The following MVB12A variants were observed in gnomAD, a reference collection of about 807,000 sequenced individuals.
The protein encoded by MVB12A is multivesicular body subunit 12A, also known as CIN85/CD2AP family binding protein.
In MVB12A, 30 loss-of-function variants were observed where a neutral mutation model predicts 34.3. That is an observed-to-expected ratio of 0.88 (90% confidence interval 0.65 to 1.19). MVB12A has a LOEUF of 1.19. Among genes scored for constraint, MVB12A ranks in the 50% most tolerant of loss-of-function variants. The pLI, the probability that MVB12A is intolerant of heterozygous loss-of-function variation, is 0.00. For synonymous variants in MVB12A, 158 were observed against 158.9 expected, an observed-to-expected ratio of 0.99 and a Z score of 0.04; for missense variants, 355 against 369.2, an observed-to-expected ratio of 0.96 and a Z score of 0.31.
chr19:17,422,434 C>T lies in MVB12A; in HGVS notation c.389C>T (p.Thr130Ile). The change falls in exon 4 of 9, where the codon ACA (threonine) becomes ATA (isoleucine). Residue 130 changes from threonine (T) to isoleucine (I), a missense_variant. Coordinates refer to ENST00000317040, the MANE Select transcript of MVB12A (RefSeq NM_138401.4). ...GTCCGGCTGAGTGGGAAGACCAAGA[C>T]AGTGCCTGGATACCTTCGAATAGGG... ...FDVRLSGKTK[T>I]VPGYLRIGDM... The T allele has an allele frequency of 6.2e-7, 1 of 1,613,352 alleles. No homozygotes were observed.
chr19:17,420,611 C>T lies in MVB12A; in HGVS notation c.263C>T (p.Pro88Leu), dbSNP rs1282275162. The change falls in exon 3 of 9, where the codon CCC becomes CTC. Residue 88 changes from proline to leucine, a missense_variant. Transcript: ENST00000317040. ...DKSPLPLGFSPVCDPMDSKAS... is the reference protein window; with the variant it reads ...DKSPLPLGFSLVCDPMDSKAS... The stretch of plus-strand genomic sequence containing the variant: ...AGCCCCCTGCCGCTGGGCTTCTCCC[C>T]CGTCTGCGACCCCATGGATTCCAGT... 2 of 1,612,886 alleles carry T rather than the reference C, an allele frequency of 1.2e-6. No individual in the cohort carries two copies. The highest frequency in any genetic ancestry group is 2.7e-5 in the African/African-American group (2 of 74,892).
In MVB12A at chr19:17,424,938, A is replaced by ACGGCTT. The variant is rs778159935; in HGVS notation, c.770_775dup (p.Gly257_Phe258dup). Reference sequence around the variant, plus strand: ...TCTCTCCCCATCCCCCAGTATAACTACGGCTTCGTGGTGGAGAAGACCGCG... The same window carrying ACGGCTT: ...TCTCTCCCCATCCCCCAGTATAACTACGGCTTCGGCTTCGTGGTGGAGAAGACCGCG... On this transcript the variant is annotated inframe_insertion, in exon 9 of 9. Coordinates refer to ENST00000317040, the MANE Select transcript of MVB12A (RefSeq NM_138401.4). The ACGGCTT allele has an allele frequency of 5.6e-6, 9 of 1,606,846 alleles. No homozygotes were observed. The highest frequency in any genetic ancestry group is 6.8e-6 in the Non-Finnish European group (8 of 1,176,748).
In MVB12A at chr19:17,410,497, C is replaced by CATATATATATATAT. The variant is rs373127253; in HGVS notation, c.-5+4221_-5+4234dup. ...GCTAGCATTCTTTTGGTTTTAGCTT[C>CATATATATATATAT]ATATATATATATATATATATATATA... On this transcript the variant is annotated intron_variant, in intron 2 of 6. Coordinates refer to the MVB12A transcript ENST00000528604. 8.1e-3 allele frequency among the ~76,000 whole-genome samples: 630 copies of CATATATATATATAT among 77,374 alleles called. 4 individuals are homozygous for CATATATATATATAT. The highest frequency in any genetic ancestry group is 0.011 in the Non-Finnish European group (463 of 42,932). 50.8% of individuals were successfully genotyped at this position (77,374 alleles called of 152,430 possible).
chr19:17,420,233 G>C lies in MVB12A; in HGVS notation c.90+8G>C, dbSNP rs777180057. 6.7e-7 allele frequency: 1 copy of C among 1,500,984 alleles called. No individual in the cohort carries two copies. The highest frequency in any genetic ancestry group is 8.8e-7 in the Non-Finnish European group (1 of 1,130,438). The allele number at this position is 1,500,984 out of a possible 1,614,324, so 93.0% of individuals were successfully genotyped here. A position where few individuals can be genotyped will look rare whatever the true frequency, so the allele number is the denominator to read the frequency against. ...CCGCGGGGGTTCAGCGCGGTGAGCG[G>C]CGTCGAGGGGCGGGGGTCGAATGGG... On this transcript the variant is annotated splice_region_variant and intron_variant, in intron 1 of 8. Coordinates refer to ENST00000317040, the MANE Select transcript of MVB12A (RefSeq NM_138401.4).
intron 7 of MVB12A, 106 bp downstream of exon 7, chr19:17,424,173 T>C: frequency 8.6e-7 from 1 of 1,165,234 alleles, no homozygotes; most frequent in Non-Finnish European, 1.3e-6. Flanking sequence ...ACATCCTGGG[T>C]TGGGGCTGGA....
upstream of MVB12A, chr19:17,420,044 G>A: frequency 1.4e-6 from 1 of 721,862 alleles, no homozygotes; most frequent in Non-Finnish European, 1.9e-6. Context: ...CCTTCTGGGA[G>A]TTGTAGTTCG....
chr19:17,410,037 A>G (rs1346830637), intron 2 of MVB12A, among the ~76,000 whole-genome samples: 1 of 152,110 alleles, frequency 6.6e-6, no homozygotes, highest in East Asian at 1.9e-4. Context: ...GATTACAGCC[A>G]TGAGCCACCA....
chr19:17,424,526 G>A, intron 7 of MVB12A, 95 bp from the exon 8 acceptor site: 1 of 1,248,560 alleles, frequency 8.0e-7, no homozygotes, highest in Non-Finnish European at 1.1e-6. Context: ...GAATATTCGG[G>A]GAGTGTTGGG....
upstream of MVB12A, chr19:17,417,802 G>T: frequency 3.6e-6 from 1 of 277,744 alleles, no homozygotes; most frequent in Non-Finnish European, 7.5e-6. Flanking sequence ...ATCAAATTTG[G>T]ACTTCTCTTT....
chr19:17,422,389 C>G lies in MVB12A; in HGVS notation c.344C>G (p.Thr115Arg). The G allele has an allele frequency of 6.2e-7, 1 of 1,613,564 alleles. No homozygotes were observed. The highest frequency in any genetic ancestry group is 1.1e-5 in the South Asian group (1 of 91,008). The part of the protein sequence containing the change: ...MCVKLLPLGA[T>R]DTAVFDVRLS... ...GTGAAGCTGTTGCCCCTGGGAGCCACGGACACGGCTGTGTTTGATGTCCGG... is the reference window on the plus strand; with the variant it reads ...GTGAAGCTGTTGCCCCTGGGAGCCAGGGACACGGCTGTGTTTGATGTCCGG... The change falls in exon 4 of 9, where the codon ACG becomes AGG. Residue 115 changes from threonine (T) to arginine (R), a missense_variant. Thr to Arg is a moderately conservative substitution (Grantham distance 71, BLOSUM62 -1). Transcript: ENST00000317040.
chr19:17,410,531 C>CAT (rs1568387403), intron 2 of MVB12A, among the ~76,000 whole-genome samples: 10 of 49,718 alleles, frequency 2.0e-4, no homozygotes, highest in African/African-American at 8.7e-4. Context: ...TATATATATA[C>CAT]ACACACACAT....
chr19:17,411,101 T>C (rs866593306), intron 2 of MVB12A, among the ~76,000 whole-genome samples: 4 of 150,738 alleles, frequency 2.7e-5, no homozygotes, highest in African/African-American at 7.3e-5. Flanking sequence ...CCCAAGTAGC[T>C]GGGATTACAG....
At chr19:17,410,497 C>CATCTATATATATAT in intron 2 of MVB12A, among the ~76,000 whole-genome samples, 1 of 77,626 alleles carries the variant, frequency 1.3e-5, no homozygotes, top group Non-Finnish European at 2.3e-5. Flanking sequence ...GTTTTAGCTT[C>CATCTATATATATAT]ATATATATAT....
At chr19:17,424,713 C>A (rs777694822) in intron 8 of MVB12A, 36 bp downstream of exon 8, 2 of 1,573,312 alleles carry the variant, frequency 1.3e-6, no homozygotes, top group South Asian at 1.2e-5. Flanking sequence ...GGGTGCAGGG[C>A]TAGGGAGGAG....
chr19:17,423,387 CA>C, intron 4 of MVB12A, 110 bp from the exon 5 acceptor site: 1 of 1,347,202 alleles, frequency 7.4e-7, no homozygotes, highest in African/African-American at 1.5e-5. Context: ...AAAATTCCCC[CA>C]AAAGACAGAG....
At chr19:17,423,972 C>T (rs2074854691) in intron 6 of MVB12A, 34 bp from the exon 7 acceptor site, 1 of 1,612,368 alleles carries the variant, frequency 6.2e-7, no homozygotes. Context: ...CAGTTCCCTA[C>T]ACCTCACCTC....
At chr19:17,410,384 T>C (rs920890311) in intron 2 of MVB12A, among the ~76,000 whole-genome samples, 5 of 150,056 alleles carry the variant, frequency 3.3e-5, no homozygotes, top group African/African-American at 1.2e-4. Context: ...TTTCCCAGGC[T>C]GGTCTCAAAC....
At chr19:17,417,902 T>A (rs1454332701), upstream of MVB12A, 1 of 23,036 alleles carries the variant, frequency 4.3e-5, no homozygotes, top group Admixed American at 4.9e-4. Flanking sequence ...TTCTTCTTCC[T>A]TTTTTTTTTT....
chr19:17,417,079 C>T (rs929264800), upstream of MVB12A: 10 of 410,332 alleles, frequency 2.4e-5, no homozygotes, highest in Admixed American at 2.1e-4. Flanking sequence ...TAGCAGGACC[C>T]TTTGCACCGT....
Sources: gnomAD v4.1 joint callset for allele counts (sites outside exome capture counted in the v4.1 genomes callset) on GRCh38, gnomAD v4.1.1 for gene constraint, MANE v1.5 for transcripts, NCBI Gene and HGNC (gene_info 2026-07-23, HGNC 2026-07-21) for gene names.